Variants in TTC28 observed in about 807,000 individuals in gnomAD.
TTC28 encodes tetratricopeptide repeat domain 28.
Under a neutral mutation model 198.0 loss-of-function variants are expected in TTC28, and 61 were observed. The ratio of observed to expected loss-of-function variants is 0.31; its 90% CI spans 0.25 to 0.38. The LOEUF (loss-of-function observed/expected upper bound fraction) is 0.38, where lower values mean the gene tolerates loss of function less well. Ranked by LOEUF, TTC28 falls within the 10% of genes least tolerant of loss-of-function variation. The pLI is 1.00. For missense variants in TTC28, 2,678 were observed against 3,164.0 expected, an observed-to-expected ratio of 0.85 and a Z score of 3.69; for synonymous variants, 1,171 against 1,297.8, an observed-to-expected ratio of 0.90 and a Z score of 2.10.
intron 2 of TTC28, among the ~76,000 whole-genome samples, chr22:28,570,676 C>T (rs1210291757): frequency 6.6e-6 from 1 of 151,910 alleles, no homozygotes; most frequent in East Asian, 1.9e-4. Flanking sequence ...TAACATGTAC[C>T]CCCAATCCTA....
At chr22:28,234,934 T>C (rs1374435822) in intron 5 of TTC28, among the ~76,000 whole-genome samples, 1 of 152,232 alleles carries the variant, frequency 6.6e-6, no homozygotes, top group African/African-American at 2.4e-5. Context: ...CAGCTAATGA[T>C]TACCTCCAAC....
intron 1 of TTC28, among the ~76,000 whole-genome samples, chr22:28,648,866 G>A (rs972050250): frequency 1.3e-5 from 2 of 151,854 alleles, no homozygotes; most frequent in South Asian, 2.1e-4. Context: ...CCGAGATCAC[G>A]CCATTGCACT....
At chr22:28,507,062 T>C (rs1568986288) in intron 2 of TTC28, among the ~76,000 whole-genome samples, 1 of 152,188 alleles carries the variant, frequency 6.6e-6, no homozygotes, top group Non-Finnish European at 1.5e-5. Flanking sequence ...GAGGCTGAGA[T>C]GGCTGAAATG....
chr22:28,461,742 T>A (rs2047953876), intron 2 of TTC28, among the ~76,000 whole-genome samples: 1 of 152,166 alleles, frequency 6.6e-6, no homozygotes, highest in African/African-American at 2.4e-5. Flanking sequence ...CTAAGTTTTT[T>A]GTTCCTCCAT....
rs536835107 is a variant in TTC28, at chr22:28,167,439, C to T, written c.934-3840G>A. On this transcript the variant is annotated intron_variant, in intron 5 of 22. Coordinates refer to ENST00000397906, the MANE Select transcript of TTC28 (RefSeq NM_001145418.2). ...AATCCTCAATAAAATACTGGCAAAC[C>T]GAATCCAGCAGCATATCAAAAAGCT... Among the ~76,000 whole-genome samples the T allele has an allele frequency of 2.2e-4, 34 of 152,268 alleles. 1 individual carries two copies. The South Asian group carries it at 6.0e-3, about 27-fold the overall frequency.
intron 2 of TTC28, among the ~76,000 whole-genome samples, chr22:28,344,847 G>A (rs992922411): frequency 2.6e-5 from 4 of 152,190 alleles, no homozygotes; most frequent in Non-Finnish European, 4.4e-5. Context: ...GAAAGAGGAA[G>A]GAGAAGAAAG....
intron 5 of TTC28, among the ~76,000 whole-genome samples, chr22:28,187,677 T>C (rs1300873760): frequency 5.3e-5 from 8 of 152,144 alleles, no homozygotes; most frequent in East Asian, 1.9e-4. Flanking sequence ...CAAACCAGAG[T>C]ACAGCATTAA....
intron 12 of TTC28, among the ~76,000 whole-genome samples, chr22:28,089,436 T>C (rs1207610425): frequency 6.6e-6 from 1 of 151,410 alleles, no homozygotes; most frequent in Non-Finnish European, 1.5e-5. Context: ...ACACCGCATA[T>C]TCTCACTCAT....
intron 9 of TTC28, 100 bp from the exon 10 acceptor site, chr22:28,099,144 T>C: frequency 6.9e-7 from 1 of 1,439,670 alleles, no homozygotes; most frequent in Admixed American, 2.4e-5. Context: ...GTGCACAACC[T>C]AAATATTTTT....
intron 1 of TTC28, among the ~76,000 whole-genome samples, chr22:28,651,202 T>C (rs1241465699): frequency 3.9e-5 from 6 of 152,242 alleles, no homozygotes; most frequent in Non-Finnish European, 7.3e-5. Context: ...TCTCACTATG[T>C]TGCACAGGCT....
chr22:28,084,331 G>A (rs1205872013), intron 12 of TTC28, among the ~76,000 whole-genome samples: 2 of 152,214 alleles, frequency 1.3e-5, no homozygotes, highest in Admixed American at 6.5e-5. Flanking sequence ...GGAATGAACA[G>A]GCAGCAGCAT....
chr22:28,181,539 A>T (rs1232452743), intron 5 of TTC28, among the ~76,000 whole-genome samples: 3 of 152,178 alleles, frequency 2.0e-5, no homozygotes, highest in Non-Finnish European at 2.9e-5. Context: ...CATTTTTTTT[A>T]AAACTTGATG....
At chr22:28,170,303 C>T (rs960463604) in intron 5 of TTC28, among the ~76,000 whole-genome samples, 2 of 151,546 alleles carry the variant, frequency 1.3e-5, no homozygotes, top group Non-Finnish European at 2.9e-5. Context: ...CTGGCTAACA[C>T]GGTGAAACCC....
At chr22:28,416,885 T>C (rs1028342255) in intron 2 of TTC28, among the ~76,000 whole-genome samples, 3 of 152,188 alleles carry the variant, frequency 2.0e-5, no homozygotes, top group African/African-American at 7.2e-5. Flanking sequence ...ATTCACTGAG[T>C]ACTTCATCTC....
intron 1 of TTC28, among the ~76,000 whole-genome samples, chr22:28,632,244 T>C (rs902366539): frequency 2.0e-5 from 3 of 148,632 alleles, no homozygotes; most frequent in African/African-American, 7.4e-5. Flanking sequence ...GTGTCCAAGT[T>C]ATATTCAACT....
intron 2 of TTC28, among the ~76,000 whole-genome samples, chr22:28,620,884 G>A (rs984530999): frequency 1.6e-4 from 24 of 152,168 alleles, no homozygotes; most frequent in African/African-American, 5.6e-4. Context: ...CTCCTCAAAA[G>A]AGGGAAATTT....
intron 2 of TTC28, among the ~76,000 whole-genome samples, chr22:28,606,677 T>C (rs937078899): frequency 6.6e-6 from 1 of 152,198 alleles, no homozygotes; most frequent in South Asian, 2.1e-4. Context: ...TGTATATACA[T>C]GCAATGTACA....
At chr22:28,082,202 G>C (rs1161614667) in intron 12 of TTC28, among the ~76,000 whole-genome samples, 1 of 152,172 alleles carries the variant, frequency 6.6e-6, no homozygotes. Context: ...TCTGTGAATA[G>C]AGATAATTTC....
rs1461829560 is a variant in TTC28 at position 28,052,623 on chromosome 22, A to G, written c.3933-22257T>C. Among the ~76,000 whole-genome samples the G allele has an allele frequency of 2.0e-5, 3 of 152,280 alleles. 1 individual carries two copies. The highest frequency in any genetic ancestry group is 2.0e-4 in the Admixed American group (3 of 15,292). ...AAAAAAAGACCAGCCATTTTCAATA[A>G]TAATTAATGAAGTACAAATTGTGTA... is the stretch of plus-strand genomic sequence containing the variant. On this transcript the variant is annotated intron_variant, in intron 12 of 22. Transcript: ENST00000397906.
Sources: gnomAD v4.1 joint callset for allele counts (sites outside exome capture counted in the v4.1 genomes callset) on GRCh38, gnomAD v4.1.1 for gene constraint, MANE v1.5 for transcripts, NCBI Gene and HGNC (gene_info 2026-07-23, HGNC 2026-07-21) for gene names.